PLEKHH1: variants seen among roughly 807,000 people sequenced by gnomAD.
PLEKHH1 encodes the protein pleckstrin homology, MyTH4 and FERM domain containing H1, also known as pleckstrin homology domain-containing family H member 1.
A neutral mutation model predicts 160.0 loss-of-function variants in PLEKHH1; 104 were observed. The ratio of observed to expected loss-of-function variants is 0.65; its 90% CI spans 0.55 to 0.76. PLEKHH1 has a LOEUF of 0.76. PLEKHH1 is among the 30% of genes least tolerant of loss of function. The probability of loss-of-function intolerance (pLI) is 0.00; values close to 1 mark genes in which losing one functional copy is unlikely to be tolerated. For missense variants in PLEKHH1, 1,427 were observed against 1,724.1 expected, an observed-to-expected ratio of 0.83 and a Z score of 3.05; for synonymous variants, 619 against 678.4, an observed-to-expected ratio of 0.91 and a Z score of 1.36.
rs1286565355 is a variant in PLEKHH1, at chr14:67,573,041, G to C, written c.1729-235G>C. 6.6e-6 allele frequency among the ~76,000 whole-genome samples: 1 copy of C among 152,212 alleles called. No individual in the cohort carries two copies. Among genetic ancestry groups the C allele is most frequent in the Non-Finnish European group, 1.5e-5 (1 of 68,040 alleles). On this transcript the variant is annotated intron_variant, in intron 11 of 28. Transcript: ENST00000329153. The surrounding 1 kb of genome is among the most constrained non-coding windows in gnomAD (Gnocchi z 4.8). ...CTGCTCTGCTACCTTCTCATAGTGA[G>C]GTCTTCCCCAGCTAGCATGGGAGCC... is the stretch of plus-strand genomic sequence containing the variant.
chr14:67,575,759 C>G, intron 15 of PLEKHH1, 64 bp from the exon 16 acceptor site: 1 of 1,234,270 alleles, frequency 8.1e-7, no homozygotes. Context: ...CCTATGTATT[C>G]AGAGAGAGGA....
intron 7 of PLEKHH1, among the ~76,000 whole-genome samples, chr14:67,564,885 A>G (rs924411135): frequency 6.6e-6 from 1 of 151,824 alleles, no homozygotes; most frequent in Non-Finnish European, 1.5e-5. Flanking sequence ...ATGGGCTAAC[A>G]CTATGCTGTT....
intron 2 of PLEKHH1, among the ~76,000 whole-genome samples, chr14:67,555,513 G>T (rs963509457): frequency 1.3e-5 from 2 of 152,166 alleles, no homozygotes; most frequent in Non-Finnish European, 2.9e-5. Flanking sequence ...GACAGGGTGG[G>T]ATGCTCAGGA....
chr14:67,555,926 A>G (rs762737501), intron 3 of PLEKHH1, 39 bp downstream of exon 3: 3 of 1,604,946 alleles, frequency 1.9e-6, no homozygotes, highest in Non-Finnish European at 2.6e-6. Context: ...ATGCAGGGGA[A>G]TGACCGTCGG....
chr14:67,570,135 T>C (rs893986397), intron 9 of PLEKHH1, 123 bp downstream of exon 9: 5 of 768,364 alleles, frequency 6.5e-6, no homozygotes, highest in Admixed American at 2.5e-5. Context: ...CCCAGGGAGC[T>C]GAGCCCAGCA....
chr14:67,582,055 T>C lies in PLEKHH1; in HGVS notation c.3285-14T>C, dbSNP rs759666293. On this transcript the variant is annotated splice_polypyrimidine_tract_variant and intron_variant, in intron 23 of 28. Transcript: ENST00000329153. The surrounding 1 kb of genome is among the most constrained non-coding windows in gnomAD (Gnocchi z 5.0). ...TCCCTGCTGAGTCCTGGTTTCTTAT[T>C]CTCTTCTTTGTAGGCTGTACTTTCG... 10 of 1,603,910 alleles carry C rather than the reference T, an allele frequency of 6.2e-6. No individual in the cohort carries two copies. The South Asian group carries it at 1.0e-4, about 16-fold the overall frequency.
intron 27 of PLEKHH1, 52 bp downstream of exon 27, chr14:67,585,706 C>A: frequency 3.0e-6 from 4 of 1,315,590 alleles, no homozygotes; most frequent in Non-Finnish European, 3.2e-6. Flanking sequence ...TCAACATGGT[C>A]TTTTCTTCTC....
Position 67,583,865 on chromosome 14 carries a change from C to T in PLEKHH1, c.3551C>T (p.Ala1184Val). The change falls in exon 25 of 29, where the codon GCC becomes GTC. Residue 1184 changes from alanine (A) to valine (V), a missense_variant. Around this residue, in one of 6 missense-constraint regions of PLEKHH1, gnomAD observed 436 missense variants for 607.5 expected, o/e 0.72. Coordinates refer to ENST00000329153, the MANE Select transcript of PLEKHH1 (RefSeq NM_020715.3). ...RFHPRRYRHG[A>V]PAEQLRHLAD... ...CACCCCAGGCGCTATAGACATGGGGCCCCCGCTGAACAGCTGAGGTAGGTA... is the reference window on the plus strand; with the variant it reads ...CACCCCAGGCGCTATAGACATGGGGTCCCCGCTGAACAGCTGAGGTAGGTA... The T allele has an allele frequency of 1.2e-6, 2 of 1,613,522 alleles. No homozygotes were observed. Among genetic ancestry groups the T allele is most frequent in the Non-Finnish European group, 8.5e-7 (1 of 1,179,620 alleles).
chr14:67,564,371 G>A (rs551036829), intron 7 of PLEKHH1, among the ~76,000 whole-genome samples: 1 of 152,310 alleles, frequency 6.6e-6, no homozygotes, highest in East Asian at 1.9e-4. Flanking sequence ...GCAATGATCT[G>A]GTTGGTGGCC....
intron 7 of PLEKHH1, among the ~76,000 whole-genome samples, chr14:67,563,941 G>T (rs1207276049): frequency 1.4e-5 from 2 of 146,974 alleles, no homozygotes; most frequent in African/African-American, 5.1e-5. Flanking sequence ...TTGCTCTGTT[G>T]CCCAGGCTGG....
Position 67,589,392 on chromosome 14 carries a change from G to C in PLEKHH1, c.*2157G>C. On this transcript the variant is annotated 3_prime_UTR_variant, in exon 29 of 29. Transcript: ENST00000329153. Reference sequence around the variant, plus strand: ...AAGTCCAATTTCTGTCTGGCCTTTTGTCTCATCCTTCTTGGCAAAAGTAGC... The same window carrying C: ...AAGTCCAATTTCTGTCTGGCCTTTTCTCTCATCCTTCTTGGCAAAAGTAGC... 2 of 984,996 alleles carry C rather than the reference G, an allele frequency of 2.0e-6. No individual in the cohort carries two copies. Among genetic ancestry groups the C allele is most frequent in the Non-Finnish European group, 2.4e-6 (2 of 829,598 alleles). 61.0% of individuals were successfully genotyped at this position (984,996 alleles called of 1,614,324 possible).
At chr14:67,553,301 G>A (rs1477683256) in intron 2 of PLEKHH1, among the ~76,000 whole-genome samples, 1 of 152,004 alleles carries the variant, frequency 6.6e-6, no homozygotes, top group East Asian at 1.9e-4. Context: ...GGGCCTTCCC[G>A]TTCAGTATTT....
intron 2 of PLEKHH1, among the ~76,000 whole-genome samples, chr14:67,548,675 C>T (rs1016069647): frequency 3.3e-5 from 5 of 151,924 alleles, no homozygotes; most frequent in Non-Finnish European, 7.4e-5. Context: ...CCAGCTCGGG[C>T]GACAAGAGCA....
chr14:67,585,969 C>T lies in PLEKHH1; in HGVS notation c.3805C>T (p.Pro1269Ser). Residue 1269 changes from proline to serine, a missense_variant, in exon 28 of 29, where the codon CCC becomes TCC. Pro to Ser is a moderately conservative substitution (Grantham distance 74, BLOSUM62 -1). Around this residue, in one of 6 missense-constraint regions of PLEKHH1, gnomAD observed 56 missense variants for 53.0 expected, o/e 1.06. Transcript: ENST00000329153. ...TCCACAGCAAGTGCACATCACTTAC[C>T]CCTACTCTTCAGTGACAACGTTTGG... ...HNTMQVHITY[P>S]YSSVTTFGGC... The T allele has an allele frequency of 6.2e-7, 1 of 1,613,394 alleles. No individual in the cohort carries two copies.
chr14:67,580,844 T>C, intron 22 of PLEKHH1, 94 bp from the exon 23 acceptor site: 1 of 790,650 alleles, frequency 1.3e-6, no homozygotes, highest in Non-Finnish European at 2.1e-6. Flanking sequence ...TTAGTTTTCT[T>C]TGCTCTTCTG....
intron 7 of PLEKHH1, among the ~76,000 whole-genome samples, 195 bp downstream of exon 7, chr14:67,563,089 T>A (rs1478924189): frequency 6.6e-6 from 1 of 152,240 alleles, no homozygotes; most frequent in African/African-American, 2.4e-5. Context: ...ATGATGTGAA[T>A]GGCGGTTGGC....
At chr14:67,568,906 TA>T in intron 7 of PLEKHH1, 1 of 509,200 alleles carries the variant, frequency 2.0e-6, no homozygotes, top group South Asian at 2.4e-5. Flanking sequence ...ATGCTTATGT[TA>T]AGTATTTCAT....
intron 18 of PLEKHH1, among the ~76,000 whole-genome samples, chr14:67,577,642 C>A (rs2140504619): frequency 6.6e-6 from 1 of 152,304 alleles, no homozygotes; most frequent in South Asian, 2.1e-4. Flanking sequence ...TGAAAACTCT[C>A]CCTGGAGGAG....
intron 8 of PLEKHH1, 88 bp from the exon 9 acceptor site, chr14:67,569,833 G>A (rs1432105558): frequency 1.2e-6 from 1 of 813,196 alleles, no homozygotes; most frequent in African/African-American, 1.7e-5. Context: ...CTCCTGGAGG[G>A]AATGCCATCT....
Sources: allele counts gnomAD v4.1 joint callset (sites outside exome capture counted in the v4.1 genomes callset), GRCh38; gene constraint gnomAD v4.1.1; regional missense constraint gnomAD v4.1.1; non-coding constraint Gnocchi (gnomAD v3.1); transcripts MANE v1.5; gene names NCBI Gene and HGNC (gene_info 2026-07-23, HGNC 2026-07-21).